The following CYP2C19 variants were observed in gnomAD, a reference collection of about 807,000 sequenced individuals.
CYP2C19 encodes cytochrome P450 2C19.
A neutral mutation model predicts 40.9 loss-of-function variants in CYP2C19; 59 were observed. The observed-to-expected ratio is 1.44, with a 90% CI of 1.17 to 1.79. The LOEUF (loss-of-function observed/expected upper bound fraction) is 1.79. CYP2C19 is among the 40% of genes most tolerant of loss of function. The pLI is 0.00. For synonymous variants in CYP2C19, 253 were observed against 208.7 expected (o/e 1.21, Z -1.83); for missense variants, 754 against 596.9 (o/e 1.26, Z -2.74).
chr10:94,781,612 T>C (rs1190969388), intron 4 of CYP2C19, among the ~76,000 whole-genome samples: 1 of 152,086 alleles, frequency 6.6e-6, no homozygotes, highest in Non-Finnish European at 1.5e-5. Context: ...AGGAAATGAT[T>C]ATCATCTTTG....
intron 7 of CYP2C19, among the ~76,000 whole-genome samples, chr10:94,848,261 G>A (rs942406898): frequency 6.6e-6 from 1 of 152,178 alleles, no homozygotes; most frequent in African/African-American, 2.4e-5. Context: ...TGTATAAGGT[G>A]TAAAGAAGGG....
intron 5 of CYP2C19, among the ~76,000 whole-genome samples, chr10:94,815,340 G>A (rs1008725024): frequency 2.6e-5 from 4 of 152,168 alleles, no homozygotes; most frequent in Non-Finnish European, 5.9e-5. Flanking sequence ...AGGTCACTTG[G>A]AGACTCTAAA....
chr10:94,782,111 A>T, intron 5 of CYP2C19, 114 bp downstream of exon 5: 2 of 807,036 alleles, frequency 2.5e-6, no homozygotes, highest in Non-Finnish European at 3.7e-6. Context: ...CTTGAGAAGC[A>T]TATTTAAGTT....
At chr10:94,790,877 C>A (rs994353178) in intron 5 of CYP2C19, among the ~76,000 whole-genome samples, 11 of 152,030 alleles carry the variant, frequency 7.2e-5, no homozygotes, top group African/African-American at 2.7e-4. Context: ...ATGATACTGG[C>A]CTCACAAAAT....
chr10:94,810,480 C>A (rs1381719644), intron 5 of CYP2C19, among the ~76,000 whole-genome samples: 2 of 151,998 alleles, frequency 1.3e-5, no homozygotes, highest in South Asian at 2.1e-4. Flanking sequence ...CTCTTTGTAC[C>A]TCTGGTAGAA....
At chr10:94,831,680 T>C (rs1849337630) in intron 6 of CYP2C19, among the ~76,000 whole-genome samples, 1 of 152,238 alleles carries the variant, frequency 6.6e-6, no homozygotes, top group African/African-American at 2.4e-5. Context: ...TTTGTATGTC[T>C]GTTAACAATT....
intron 5 of CYP2C19, among the ~76,000 whole-genome samples, chr10:94,803,093 G>T (rs951257725): frequency 6.6e-6 from 1 of 152,122 alleles, no homozygotes; most frequent in East Asian, 1.9e-4. Flanking sequence ...CATTGCTGGG[G>T]AGTTAGTGTG....
At chr10:94,821,518 G>T (rs1419880992) in intron 6 of CYP2C19, among the ~76,000 whole-genome samples, 2 of 152,282 alleles carry the variant, frequency 1.3e-5, no homozygotes, top group East Asian at 3.9e-4. Context: ...GGTACCTAAA[G>T]AATGTTCCAT....
At chr10:94,788,206 T>A (rs1416885271) in intron 5 of CYP2C19, among the ~76,000 whole-genome samples, 2 of 151,864 alleles carry the variant, frequency 1.3e-5, no homozygotes, top group African/African-American at 4.8e-5. Flanking sequence ...CAAATGGTAC[T>A]GAGTTTTGTA....
intron 6 of CYP2C19, among the ~76,000 whole-genome samples, chr10:94,839,534 G>A (rs1013583284): frequency 5.9e-5 from 9 of 152,206 alleles, no homozygotes; most frequent in Non-Finnish European, 8.8e-5. Flanking sequence ...CAACCCAGCT[G>A]CCCCATCAAC....
chr10:94,783,902 A>G (rs1349832806), intron 5 of CYP2C19, among the ~76,000 whole-genome samples: 2 of 152,186 alleles, frequency 1.3e-5, no homozygotes, highest in African/African-American at 4.8e-5. Context: ...CCATTTTAAA[A>G]ATTGAAGTAA....
chr10:94,789,193 G>GT lies in CYP2C19; in HGVS notation c.819+7205dup, dbSNP rs1028861936. 1.1e-4 allele frequency among the ~76,000 whole-genome samples: 16 copies of GT among 149,904 alleles called. No individual in the cohort carries two copies. The East Asian group carries it at 2.0e-3, about 18-fold the overall frequency. On this transcript the variant is annotated intron_variant, in intron 5 of 8. Transcript: ENST00000371321. ...CCTTCACCCACTTTTTGATGGGGTT[G>GT]TTTTTTTTTCTTTTAAATTTGTTTA...
At chr10:94,769,040 T>C (rs1321922463) in intron 1 of CYP2C19, among the ~76,000 whole-genome samples, 1 of 152,146 alleles carries the variant, frequency 6.6e-6, no homozygotes, top group African/African-American at 2.4e-5. Context: ...ATTGTTTTAA[T>C]GTCTTAGGGT....
chr10:94,797,314 A>T (rs1276913383), intron 5 of CYP2C19, among the ~76,000 whole-genome samples: 1 of 152,096 alleles, frequency 6.6e-6, no homozygotes, highest in Non-Finnish European at 1.5e-5. Context: ...GCATATGTTG[A>T]ACCAGCCTTG....
chr10:94,785,454 A>G (rs1433494297), intron 5 of CYP2C19, among the ~76,000 whole-genome samples: 2 of 152,108 alleles, frequency 1.3e-5, no homozygotes, highest in East Asian at 3.9e-4. Flanking sequence ...GGCACCCTTG[A>G]TGAAAGTAAA....
intron 5 of CYP2C19, among the ~76,000 whole-genome samples, chr10:94,807,987 T>C (rs771120633): frequency 1.2e-4 from 19 of 152,170 alleles, no homozygotes; most frequent in African/African-American, 3.1e-4. Flanking sequence ...GTTTTTCTTC[T>C]AGTAGTTTCA....
At chr10:94,834,388 T>A (rs979445583) in intron 6 of CYP2C19, among the ~76,000 whole-genome samples, 3 of 152,124 alleles carry the variant, frequency 2.0e-5, no homozygotes, top group Non-Finnish European at 4.4e-5. Flanking sequence ...AAACTTCTTT[T>A]TTTTCTTAGT....
chr10:94,815,078 T>C (rs1278253786), intron 5 of CYP2C19, among the ~76,000 whole-genome samples: 1 of 145,110 alleles, frequency 6.9e-6, no homozygotes, highest in East Asian at 2.1e-4. Flanking sequence ...AGAATATGGC[T>C]ACTATCATTA....
Position 94,777,391 on chromosome 10 carries a change from A to C in CYP2C19, c.481+1852A>C, listed in dbSNP as rs185514223. On this transcript the variant is annotated intron_variant, in intron 3 of 8. Transcript: ENST00000371321. The stretch of plus-strand genomic sequence containing the variant: ...AAAGCTGGAGGCATCATGCTACCTG[A>C]CTTCAAACTATACTACAAGGCTACA... Among the ~76,000 whole-genome samples, 475 of 152,292 alleles carry C rather than the reference A, an allele frequency of 3.1e-3. 3 individuals are homozygous for C. Among genetic ancestry groups the C allele is most frequent in the African/African-American group, 0.011 (452 of 41,570 alleles).
Sources: allele counts gnomAD v4.1 joint callset (sites outside exome capture counted in the v4.1 genomes callset), GRCh38; gene constraint gnomAD v4.1.1; transcripts MANE v1.5; gene names NCBI Gene and HGNC (gene_info 2026-07-23, HGNC 2026-07-21).